Variants in TRAK1 observed in about 807,000 individuals in gnomAD.
TRAK1 encodes the protein trafficking kinesin-binding protein 1.
TRAK1 carries 33 observed loss-of-function variants against 92.1 expected under a neutral mutation model. The observed-to-expected ratio is 0.36, with a 90% confidence interval of 0.27 to 0.48. TRAK1 has a LOEUF of 0.48. Ranked by LOEUF, TRAK1 falls within the 20% of genes least tolerant of loss-of-function variation. TRAK1 has a pLI of 0.99. For synonymous variants in TRAK1, 521 were observed against 517.3 expected (o/e 1.01, Z -0.10); for missense variants, 1,123 against 1,257.9 (o/e 0.89, Z 1.62).
Position 42,202,653 on chromosome 3 carries a change from A to T in TRAK1, c.1645A>T (p.Thr549Ser). The change falls in exon 13 of 16, where the codon ACG (threonine) becomes TCG (serine). Residue 549 changes from threonine to serine, a missense_variant. By Grantham distance (58) the Thr-to-Ser change is moderately conservative (BLOSUM62 1). Coordinates refer to ENST00000327628, the MANE Select transcript of TRAK1 (RefSeq NM_001042646.3). This position sits in a 1 kb window ranked among gnomAD's most constrained non-coding sequence, Gnocchi z 6.1. Reference sequence around the variant, plus strand: ...CACTGAGAGCATCATGTCCCTGGGCACGCACTCCCGCTTCTCCGAGTTCAC... The same window carrying T: ...CACTGAGAGCATCATGTCCCTGGGCTCGCACTCCCGCTTCTCCGAGTTCAC... Reference protein sequence around the residue: ...TPTESIMSLGTHSRFSEFTGF... With the variant: ...TPTESIMSLGSHSRFSEFTGF... 6.2e-7 allele frequency: 1 copy of T among 1,612,970 alleles called. No homozygotes were observed. Among genetic ancestry groups the T allele is most frequent in the Non-Finnish European group, 8.5e-7 (1 of 1,179,182 alleles).
intron 14 of TRAK1, chr3:42,218,184 AT>A: frequency 2.0e-6 from 2 of 985,258 alleles, no homozygotes; most frequent in Non-Finnish European, 2.4e-6. Context: ...TCCAGCATTT[AT>A]TTTTTTGTTT....
Position 42,091,574 on chromosome 3 carries a change from C to T in TRAK1, c.91+14C>T, listed in dbSNP as rs1576294191. On this transcript the variant is annotated intron_variant, in intron 1 of 15. Coordinates refer to ENST00000327628, the MANE Select transcript of TRAK1 (RefSeq NM_001042646.3). The stretch of plus-strand genomic sequence containing the variant: ...CAAACGCCTGTGGTAAGTTTGTTTG[C>T]CAGGTCTGTCTGCTGTCTGTTTTCT... The T allele has an allele frequency of 1.9e-6, 3 of 1,608,284 alleles. No individual in the cohort carries two copies. The highest frequency in any genetic ancestry group is 1.3e-5 in the African/African-American group (1 of 74,578).
At chr3:42,222,656 C>T (rs929976631) in intron 15 of TRAK1, among the ~76,000 whole-genome samples, 1 of 152,208 alleles carries the variant, frequency 6.6e-6, no homozygotes, top group Non-Finnish European at 1.5e-5. Context: ...CAAGTAAACC[C>T]TTAGCTCTGA....
At chr3:42,069,566 G>T (rs1703827112) in intron 1 of TRAK1, among the ~76,000 whole-genome samples, 1 of 151,976 alleles carries the variant, frequency 6.6e-6, no homozygotes, top group African/African-American at 2.4e-5. Context: ...TATTTAAATA[G>T]GGATACTATA....
At chr3:42,105,611 G>C (rs1707426696) in intron 1 of TRAK1, among the ~76,000 whole-genome samples, 3 of 152,306 alleles carry the variant, frequency 2.0e-5, no homozygotes, top group African/African-American at 4.8e-5. Flanking sequence ...TATTATCCAG[G>C]AGAACTTCCC....
In TRAK1 at chr3:42,160,312, C is replaced by T. The variant is rs752710776; in HGVS notation, c.287-16502C>T. ...TCTGGGTAGGGGGTCGGGGGCACCC[C>T]CAAGGATGGTCCCTTAGGGTGATGT... On this transcript the variant is annotated intron_variant, in intron 2 of 15. Transcript: ENST00000327628. The T allele has an allele frequency of 2.3e-4, 376 of 1,606,442 alleles. No homozygotes were observed. In the Admixed American group the frequency reaches 2.6e-3, roughly 11 times the overall value.
At chr3:42,083,593 G>T (rs1299387142), upstream of TRAK1, among the ~76,000 whole-genome samples, 1 of 152,188 alleles carries the variant, frequency 6.6e-6, no homozygotes, top group Non-Finnish European at 1.5e-5. Flanking sequence ...CTGAGGAACT[G>T]GCTGGGTGCT....
rs7616129 is a variant in TRAK1 at position 42,067,517 on chromosome 3, T to C, written c.-518-19587T>C. 4.4e-3 allele frequency among the ~76,000 whole-genome samples: 666 copies of C among 152,222 alleles called. 6 individuals carry two copies. The highest frequency in any genetic ancestry group is 0.02 in the Middle Eastern group (6 of 294). On this transcript the variant is annotated intron_variant, in intron 1 of 16. Transcript: ENST00000487159. ...TTCAGTGCACATTGAGAAGCTAATA[T>C]GGAAATAGAAATGAAACTTTTCAAA...
At chr3:42,103,102 C>T (rs1323636290) in intron 1 of TRAK1, among the ~76,000 whole-genome samples, 1 of 152,136 alleles carries the variant, frequency 6.6e-6, no homozygotes, top group Non-Finnish European at 1.5e-5. Context: ...TCATTCACCC[C>T]CCGAAAAGCT....
At chr3:42,103,734 A>T (rs1707134394) in intron 1 of TRAK1, among the ~76,000 whole-genome samples, 1 of 152,166 alleles carries the variant, frequency 6.6e-6, no homozygotes, top group African/African-American at 2.4e-5. Context: ...ATGGCCGAAA[A>T]GGAACAGCTC....
intron 4 of TRAK1, 82 bp from the exon 5 acceptor site, chr3:42,187,963 A>T: frequency 8.9e-7 from 1 of 1,129,016 alleles, no homozygotes; most frequent in Non-Finnish European, 1.3e-6. Flanking sequence ...ATTGTCCCTA[A>T]GTGTTAAGTG....
At position 42,184,692 on chromosome 3, in the gene TRAK1, G is replaced by A. The variant is rs749233834; in HGVS notation, c.371G>A (p.Arg124Gln). ...CCCTCTTTCCTTTTGTAGAAAGAGCGGGATTTAGAATTGGCCGCTCGCATC... is the reference window on the plus strand; with the variant it reads ...CCCTCTTTCCTTTTGTAGAAAGAGCAGGATTTAGAATTGGCCGCTCGCATC... ...AVTRLLEEKE[R>Q]DLELAARIGQ... Residue 124 changes from arginine to glutamine, a missense_variant, in exon 4 of 16, where the codon CGG becomes CAG. Transcript: ENST00000327628. 1.1e-5 allele frequency: 18 copies of A among 1,613,880 alleles called. No individual in the cohort carries two copies. The highest frequency in any genetic ancestry group is 2.2e-5 in the South Asian group (2 of 91,052).
rs769302010 is a variant in TRAK1, at chr3:42,223,392, C to T, written c.2517C>T (p.Ser839=). ...SSESQTDVSV[S]NLNLVDKVRR... is the part of the protein sequence containing the mutation. ...AGAGCCAGACCGACGTGTCCGTCTC[C>T]AACCTCAACCTCGTGGACAAAGTCA... The change falls in exon 16 of 16, where the codon TCC becomes TCT. Residue 839 remains serine, a synonymous_variant. Coordinates refer to ENST00000327628, the MANE Select transcript of TRAK1 (RefSeq NM_001042646.3). The surrounding 1 kb of genome is among the most constrained non-coding windows in gnomAD (Gnocchi z 6.1). 1.2e-6 allele frequency: 2 copies of T among 1,614,228 alleles called. No homozygotes were observed. Among genetic ancestry groups the T allele is most frequent in the South Asian group, 1.1e-5 (1 of 91,088 alleles).
chr3:42,143,310 T>TC (rs1698916467), intron 2 of TRAK1, among the ~76,000 whole-genome samples: 1 of 126,706 alleles, frequency 7.9e-6, no homozygotes, highest in Admixed American at 7.4e-5. Flanking sequence ...TACCTCTTCT[T>TC]TTTTTTTTTT....
Position 42,202,968 on chromosome 3 carries a change from G to A in TRAK1, c.1744+216G>A, listed in dbSNP as rs1363378510. 5.9e-6 allele frequency: 8 copies of A among 1,348,610 alleles called. No individual in the cohort carries two copies. Among genetic ancestry groups the A allele is most frequent in the South Asian group, 2.1e-5 (1 of 47,896 alleles). 83.5% of individuals were successfully genotyped at this position (1,348,610 alleles called of 1,614,324 possible). On this transcript the variant is annotated intron_variant, in intron 13 of 15. Transcript: ENST00000327628. The surrounding 1 kb of genome is among the most constrained non-coding windows in gnomAD (Gnocchi z 6.1). The stretch of plus-strand genomic sequence containing the variant: ...GGCAGGTGTGACAATGCACACATAG[G>A]CCATGAAACTCGCCGAGGAAAGACA...
chr3:42,016,237 CTCTGTCA>C, intron 1 of TRAK1, among the ~76,000 whole-genome samples: 1 of 151,864 alleles, frequency 6.6e-6, no homozygotes, highest in South Asian at 2.1e-4. Flanking sequence ...CAGAGTGTCG[CTCTGTCA>C]TCGAGGCTAG....
intron 2 of TRAK1, among the ~76,000 whole-genome samples, chr3:42,166,072 C>T (rs1278246649): frequency 6.6e-6 from 1 of 152,056 alleles, no homozygotes; most frequent in African/African-American, 2.4e-5. Context: ...CTGCTTGCTC[C>T]TCTGTGTTAT....
intron 1 of TRAK1, among the ~76,000 whole-genome samples, chr3:42,103,488 A>G (rs1464229492): frequency 6.6e-6 from 1 of 152,066 alleles, no homozygotes; most frequent in Non-Finnish European, 1.5e-5. Flanking sequence ...CGTTCTTAAT[A>G]CGCTTTCAAA....
chr3:42,217,897 C>T (rs993891853), intron 14 of TRAK1: 19 of 985,268 alleles, frequency 1.9e-5, no homozygotes, highest in Middle Eastern at 5.2e-4. Flanking sequence ...TATTGGAGTT[C>T]CTGAGCCATT....
Sources: allele counts gnomAD v4.1 joint callset (sites outside exome capture counted in the v4.1 genomes callset), GRCh38; gene constraint gnomAD v4.1.1; non-coding constraint Gnocchi (gnomAD v3.1); transcripts MANE v1.5; gene names NCBI Gene and HGNC (gene_info 2026-07-23, HGNC 2026-07-21).